MECOM: variants seen among roughly 807,000 people sequenced by gnomAD.
MECOM encodes the protein histone-lysine N-methyltransferase MECOM.
Under a neutral mutation model 116.3 loss-of-function variants are expected in MECOM, and 13 were observed. The ratio of observed to expected loss-of-function variants is 0.11; its 90% CI spans 0.07 to 0.18. MECOM has a LOEUF of 0.18. MECOM is among the 10% of genes least tolerant of loss of function. The pLI, the probability that MECOM is intolerant of heterozygous loss-of-function variation, is 1.00. For missense variants in MECOM, 1,299 were observed against 1,509.0 expected, an observed-to-expected ratio of 0.86 and a Z score of 2.31; for synonymous variants, 528 against 535.2, an observed-to-expected ratio of 0.99 and a Z score of 0.19.
chr3:169,182,989 C>T (rs1168205360), intron 2 of MECOM, among the ~76,000 whole-genome samples: 1 of 152,190 alleles, frequency 6.6e-6, no homozygotes, highest in Non-Finnish European at 1.5e-5. Context: ...CCTAGGTCCA[C>T]AACTTCTTAG....
chr3:169,364,068 T>A (rs866386775), intron 2 of MECOM, among the ~76,000 whole-genome samples: 12 of 152,070 alleles, frequency 7.9e-5, no homozygotes, highest in Admixed American at 3.3e-4. Context: ...CTTAAGTACA[T>A]CTGTTCAATT....
chr3:169,473,876 A>G (rs1254320211), intron 1 of MECOM, among the ~76,000 whole-genome samples: 1 of 151,678 alleles, frequency 6.6e-6, no homozygotes, highest in East Asian at 1.9e-4. Context: ...TAAATACTAT[A>G]TATATGTAGT....
intron 2 of MECOM, among the ~76,000 whole-genome samples, chr3:169,293,260 C>T (rs1209115218): frequency 1.3e-5 from 2 of 152,128 alleles, no homozygotes; most frequent in African/African-American, 2.4e-5. Flanking sequence ...TCACGCTCAC[C>T]CCACCGTCTA....
intron 2 of MECOM, among the ~76,000 whole-genome samples, chr3:169,370,267 G>A (rs552858044): frequency 5.0e-4 from 76 of 152,030 alleles, no homozygotes; most frequent in African/African-American, 1.7e-3. Context: ...AACACACAAT[G>A]GAGAAAGGGT....
At chr3:169,195,185 A>T (rs1748255950) in intron 2 of MECOM, among the ~76,000 whole-genome samples, 1 of 152,066 alleles carries the variant, frequency 6.6e-6, no homozygotes, top group African/African-American at 2.4e-5. Flanking sequence ...CCCGGATCAC[A>T]CCTCTGCATT....
At chr3:169,444,481 C>A (rs867401045) in intron 1 of MECOM, among the ~76,000 whole-genome samples, 29 of 152,094 alleles carry the variant, frequency 1.9e-4, no homozygotes. Flanking sequence ...CAGGGGTTTC[C>A]GTTTTTGCCT....
intron 2 of MECOM, among the ~76,000 whole-genome samples, chr3:169,234,492 G>GA (rs1159763520): frequency 6.6e-6 from 1 of 150,802 alleles, no homozygotes; most frequent in African/African-American, 2.4e-5. Context: ...GGAAATAAAA[G>GA]AAAAAAGAAA....
chr3:169,131,640 A>T (rs1734750696), intron 3 of MECOM, 109 bp from the exon 4 acceptor site: 6 of 780,702 alleles, frequency 7.7e-6, no homozygotes, highest in African/African-American at 1.8e-5. Context: ...CTTAACAAAC[A>T]TCTTTTTCTT....
At chr3:169,631,541 A>T (rs933939615) in intron 1 of MECOM, among the ~76,000 whole-genome samples, 4 of 151,624 alleles carry the variant, frequency 2.6e-5, no homozygotes, top group African/African-American at 9.7e-5. Flanking sequence ...TACATGTGCC[A>T]TGCTGGTGTG....
intron 2 of MECOM, among the ~76,000 whole-genome samples, chr3:169,183,769 C>T (rs149610190): frequency 5.4e-4 from 3 of 5,538 alleles, no homozygotes; most frequent in Non-Finnish European, 1.4e-3. Flanking sequence ...CATACACACA[C>T]ACACACACAC....
At chr3:169,573,989 A>AGTAT (rs559021003) in intron 1 of MECOM, among the ~76,000 whole-genome samples, 40 of 152,304 alleles carry the variant, frequency 2.6e-4, no homozygotes, top group Admixed American at 1.3e-3. Flanking sequence ...CTGAACAGAC[A>AGTAT]GTATGTATGT....
chr3:169,433,915 C>G (rs1408558106), intron 1 of MECOM, among the ~76,000 whole-genome samples: 1 of 152,028 alleles, frequency 6.6e-6, no homozygotes, highest in East Asian at 1.9e-4. Context: ...AATCCTACTT[C>G]CAAGTTTAAC....
At chr3:169,535,945 T>C (rs549415198) in intron 1 of MECOM, among the ~76,000 whole-genome samples, 1 of 152,290 alleles carries the variant, frequency 6.6e-6, no homozygotes, top group South Asian at 2.1e-4. Flanking sequence ...GAAACTACCT[T>C]CCAGTACATG....
chr3:169,610,652 T>G (rs979993080), intron 1 of MECOM, among the ~76,000 whole-genome samples: 2 of 152,164 alleles, frequency 1.3e-5, no homozygotes, highest in African/African-American at 4.8e-5. Context: ...GCTGTGTACA[T>G]GTGCATAAGA....
chr3:169,088,994 C>A lies in MECOM; in HGVS notation c.3585+6G>T. The A allele has an allele frequency of 6.3e-7, 1 of 1,577,314 alleles. No homozygotes were observed. The highest frequency in any genetic ancestry group is 8.6e-7 in the Non-Finnish European group (1 of 1,164,920). ...CCATGATGCTGTACTATGGGAAAAT[C>A]TGTACCTGCGATTTGGACTTTCTGT... is the stretch of plus-strand genomic sequence containing the variant. On this transcript the variant is annotated splice_donor_region_variant and intron_variant, in intron 16 of 16. Coordinates refer to ENST00000651503, the MANE Select transcript of MECOM (RefSeq NM_004991.4).
chr3:169,186,683 C>T (rs1181113970), intron 2 of MECOM, among the ~76,000 whole-genome samples: 1 of 152,086 alleles, frequency 6.6e-6, no homozygotes, highest in African/African-American at 2.4e-5. Flanking sequence ...GAACTTTTCT[C>T]CTCAAATGAC....
At chr3:169,616,442 T>C (rs1025098099) in intron 1 of MECOM, among the ~76,000 whole-genome samples, 9 of 152,016 alleles carry the variant, frequency 5.9e-5, no homozygotes, top group African/African-American at 1.9e-4. Flanking sequence ...GCCTCCTGGG[T>C]TCAAGCGACT....
intron 2 of MECOM, among the ~76,000 whole-genome samples, chr3:169,339,552 T>C (rs1469642397): frequency 2.0e-5 from 3 of 152,224 alleles, no homozygotes; most frequent in Non-Finnish European, 4.4e-5. Context: ...CCCTGGACTG[T>C]CATTGAGTCA....
chr3:169,262,353 T>C (rs73032767), intron 2 of MECOM, among the ~76,000 whole-genome samples: 6,865 of 152,300 alleles, frequency 0.045, 504 homozygotes, highest in African/African-American at 0.16. Flanking sequence ...TCAGCTAAAA[T>C]GTCTCCTCTG....
Sources: gnomAD v4.1 joint callset for allele counts (sites outside exome capture counted in the v4.1 genomes callset) on GRCh38, gnomAD v4.1.1 for gene constraint, MANE v1.5 for transcripts, NCBI Gene and HGNC (gene_info 2026-07-23, HGNC 2026-07-21) for gene names.